The following TMEM217B variants were observed in gnomAD, a reference collection of about 807,000 sequenced individuals.
TMEM217B encodes transmembrane protein 217B.
At chr6:37,212,251 A>T in the TMEM217B span, 1 of 344,150 alleles carries the variant, frequency 2.9e-6, no homozygotes, top group South Asian at 2.3e-5. Flanking sequence ...TCTGTAAAAT[A>T]ATTGATCCGC....
At chr6:37,226,553 A>T in the TMEM217B span, among the ~76,000 whole-genome samples, 3 of 147,432 alleles carry the variant, frequency 2.0e-5, no homozygotes, top group Non-Finnish European at 3.0e-5. Flanking sequence ...CGCCTCGGCC[A>T]CCCAAAGTGC....
the TMEM217B span, among the ~76,000 whole-genome samples, chr6:37,236,691 C>A: frequency 6.6e-6 from 1 of 150,782 alleles, no homozygotes; most frequent in Non-Finnish European, 1.5e-5. Flanking sequence ...TTATTAATTT[C>A]TATAACAAAT....
the TMEM217B span, chr6:37,257,551 T>C: frequency 5.0e-5 from 14 of 278,962 alleles, no homozygotes; most frequent in Admixed American, 3.1e-4. Context: ...TTCCTTCCCA[T>C]AGGTCCCTTA....
At chr6:37,233,535 A>T in the TMEM217B span, among the ~76,000 whole-genome samples, 1 of 152,204 alleles carries the variant, frequency 6.6e-6, no homozygotes, top group Non-Finnish European at 1.5e-5. Flanking sequence ...CTCTTTTACG[A>T]GGGCATTAAT....
At chr6:37,212,716 C>T in the TMEM217B span, 4 of 652,042 alleles carry the variant, frequency 6.1e-6, no homozygotes, top group African/African-American at 7.1e-5. Context: ...GATCAGCAGC[C>T]CCATGTAGAT....
At chr6:37,256,247 G>A in the TMEM217B span, among the ~76,000 whole-genome samples, 1 of 152,154 alleles carries the variant, frequency 6.6e-6, no homozygotes, top group African/African-American at 2.4e-5. Flanking sequence ...ACTGCTGGTT[G>A]CCACCAAGGT....
chr6:37,216,018 T>TGC, the TMEM217B span, among the ~76,000 whole-genome samples: 1 of 150,428 alleles, frequency 6.6e-6, no homozygotes, highest in African/African-American at 2.5e-5. Context: ...TGTGTGTGTG[T>TGC]GTGTGTGTGT....
At chr6:37,225,351 TTCACAAGTGTTCA>T in the TMEM217B span, among the ~76,000 whole-genome samples, 1 of 151,944 alleles carries the variant, frequency 6.6e-6, no homozygotes, top group Admixed American at 6.6e-5. Context: ...GAATGAGAGA[TTCACAAGTGTTCA>T]TCATAGTTTA....
At chr6:37,216,634 C>T in the TMEM217B span, among the ~76,000 whole-genome samples, 3 of 152,048 alleles carry the variant, frequency 2.0e-5, no homozygotes, top group Non-Finnish European at 4.4e-5. Context: ...AGGATGGGAG[C>T]GGGGAAGACA....
the TMEM217B span, among the ~76,000 whole-genome samples, chr6:37,242,291 G>T: frequency 6.6e-6 from 1 of 152,180 alleles, no homozygotes; most frequent in Non-Finnish European, 1.5e-5. Flanking sequence ...GGCCCCCACG[G>T]TGGGCAGAAC....
At chr6:37,252,635 A>ATTTTTT in the TMEM217B span, among the ~76,000 whole-genome samples, 18 of 60,370 alleles carry the variant, frequency 3.0e-4, no homozygotes, top group African/African-American at 5.9e-4. Context: ...ATATATATAT[A>ATTTTTT]TATTTTTTTT....
At chr6:37,258,059 A>G in the TMEM217B span, 4 of 1,479,130 alleles carry the variant, frequency 2.7e-6, no homozygotes, top group Non-Finnish European at 3.7e-6. Flanking sequence ...CTGGGGCGCC[A>G]CAGAGGCCAG....
the TMEM217B span, among the ~76,000 whole-genome samples, chr6:37,213,150 C>T: frequency 2.0e-4 from 31 of 152,170 alleles, no homozygotes; most frequent in African/African-American, 7.0e-4. Context: ...GGGTCTGGCC[C>T]GTGCTCTGGC....
the TMEM217B span, among the ~76,000 whole-genome samples, chr6:37,225,207 GA>G: frequency 2.0e-5 from 3 of 150,870 alleles, no homozygotes; most frequent in Non-Finnish European, 3.0e-5. Context: ...CTAAAAAAAA[GA>G]AAAAAAAATT....
the TMEM217B span, among the ~76,000 whole-genome samples, chr6:37,235,756 A>G: frequency 1.3e-5 from 2 of 152,188 alleles, no homozygotes; most frequent in Non-Finnish European, 2.9e-5. Context: ...TGCTTCCAAG[A>G]TGACGCCTTG....
the TMEM217B span, among the ~76,000 whole-genome samples, chr6:37,236,764 A>C: frequency 0.82 from 125,051 of 152,076 alleles, 52,080 homozygotes; most frequent in South Asian, 0.91. Context: ...GTGGGTGAGG[A>C]CTTCAGACAG....
chr6:37,230,112 G>C, the TMEM217B span, among the ~76,000 whole-genome samples: 1 of 152,200 alleles, frequency 6.6e-6, no homozygotes. Flanking sequence ...CCTTGCTCCT[G>C]AGCTCTCAGA....
chr6:37,222,904 AG>A, the TMEM217B span, among the ~76,000 whole-genome samples: 1 of 152,228 alleles, frequency 6.6e-6, no homozygotes, highest in Non-Finnish European at 1.5e-5. Context: ...GAGTGATGGT[AG>A]CAGCCACTGC....
At chr6:37,216,594 G>A in the TMEM217B span, among the ~76,000 whole-genome samples, 1 of 152,168 alleles carries the variant, frequency 6.6e-6, no homozygotes, top group Non-Finnish European at 1.5e-5. Context: ...CATCCTCTGA[G>A]GCGAGGAGCA....
Sources: gnomAD v4.1 joint callset for allele counts (sites outside exome capture counted in the v4.1 genomes callset) on GRCh38, gnomAD v4.1.1 for gene constraint, MANE v1.5 for transcripts, NCBI Gene and HGNC (gene_info 2026-07-23, HGNC 2026-07-21) for gene names.